Variants in XKR4 observed in about 807,000 individuals in gnomAD.
The protein encoded by XKR4 is XK-related protein 4.
A neutral mutation model predicts 53.9 loss-of-function variants in XKR4; 12 were observed. That is an observed-to-expected ratio of 0.22 (90% CI 0.14 to 0.36). The LOEUF (loss-of-function observed/expected upper bound fraction) is 0.36, where lower values mean the gene tolerates loss of function less well. XKR4 is among the 10% of genes least tolerant of loss of function. The pLI is 1.00. For synonymous variants in XKR4, 354 were observed against 362.4 expected, an observed-to-expected ratio of 0.98 and a Z score of 0.26; for missense variants, 799 against 859.5, an observed-to-expected ratio of 0.93 and a Z score of 0.88.
chr8:55,499,225 T>A (rs1024203835), intron 2 of XKR4, among the ~76,000 whole-genome samples: 2 of 152,186 alleles, frequency 1.3e-5, no homozygotes, highest in African/African-American at 4.8e-5. Flanking sequence ...GCTAAGATAA[T>A]GTATGGGGAA....
chr8:55,211,025 T>C (rs909349357), intron 1 of XKR4, among the ~76,000 whole-genome samples: 1 of 152,180 alleles, frequency 6.6e-6, no homozygotes, highest in African/African-American at 2.4e-5. Flanking sequence ...TATGCAGCTG[T>C]GGGGATATCT....
chr8:55,240,315 T>C (rs983342951), intron 1 of XKR4, among the ~76,000 whole-genome samples: 1 of 152,116 alleles, frequency 6.6e-6, no homozygotes, highest in African/African-American at 2.4e-5. Context: ...ATATTAGACA[T>C]CAAAGCTAAC....
chr8:55,111,775 C>G (rs571449255), intron 1 of XKR4, among the ~76,000 whole-genome samples: 1 of 152,062 alleles, frequency 6.6e-6, no homozygotes, highest in Non-Finnish European at 1.5e-5. Context: ...ATAAGAACAA[C>G]GCTTCACAGG....
In XKR4 at chr8:55,396,399, G is replaced by GTTTTTTTTTTTTTTT. The variant is rs71256534; in HGVS notation, c.1006+38527_1006+38541dup. 9.0e-4 allele frequency among the ~76,000 whole-genome samples: 80 copies of GTTTTTTTTTTTTTTT among 88,740 alleles called. 8 individuals are homozygous for GTTTTTTTTTTTTTTT. In the East Asian group the frequency reaches 0.012, roughly 13 times the overall value. The allele number at this position is 88,740 out of a possible 152,430, so 58.2% of individuals were successfully genotyped here. On this transcript the variant is annotated intron_variant, in intron 2 of 2. Transcript: ENST00000327381. Reference sequence around the variant, plus strand: ...TTTTTTTGTGTTTTTTTTTTGTTTGGTTTTTTTTTTTTTTTTTTTGCAGAG... The same window carrying GTTTTTTTTTTTTTTT: ...TTTTTTTGTGTTTTTTTTTTGTTTGGTTTTTTTTTTTTTTTTTTTTTTTTTTTTTTTTTTGCAGAG...
At chr8:55,270,032 C>T (rs1293290618) in intron 1 of XKR4, among the ~76,000 whole-genome samples, 1 of 152,128 alleles carries the variant, frequency 6.6e-6, no homozygotes, top group African/African-American at 2.4e-5. Context: ...TGTCATTTAA[C>T]AGTAGGCCAA....
At chr8:55,397,325 G>C (rs1206855881) in intron 2 of XKR4, among the ~76,000 whole-genome samples, 1 of 152,132 alleles carries the variant, frequency 6.6e-6, no homozygotes, top group Non-Finnish European at 1.5e-5. Flanking sequence ...AATCTCAGTG[G>C]AAAAGTTTTC....
At chr8:55,475,759 C>A (rs974639437) in intron 2 of XKR4, among the ~76,000 whole-genome samples, 1 of 151,900 alleles carries the variant, frequency 6.6e-6, no homozygotes, top group East Asian at 1.9e-4. Flanking sequence ...CACACCACCA[C>A]GCCCAGCTAA....
At chr8:55,233,172 C>T (rs1413654017) in intron 1 of XKR4, among the ~76,000 whole-genome samples, 4 of 152,186 alleles carry the variant, frequency 2.6e-5, no homozygotes, top group African/African-American at 7.2e-5. Context: ...AGCTGCCTCA[C>T]AGAAATCCAG....
Position 55,536,864 on chromosome 8 carries a change from A to C in XKR4, c.*12637A>C, listed in dbSNP as rs1470100091. 1.3e-5 allele frequency: 2 copies of C among 152,198 alleles called. No individual in the cohort carries two copies. Among genetic ancestry groups the C allele is most frequent in the African/African-American group, 4.8e-5 (2 of 41,446 alleles). The allele number at this position is 152,198 out of a possible 1,614,324, so 9.4% of individuals were successfully genotyped here. A position where few individuals can be genotyped will look rare whatever the true frequency, so the allele number is the denominator to read the frequency against. ...CTATTCAGTCTTTGCTATCTTTCAT[A>C]AATTGTATCATTGCTCTTCTGCTGT... On this transcript the variant is annotated 3_prime_UTR_variant, in exon 3 of 3. Coordinates refer to ENST00000327381, the MANE Select transcript of XKR4 (RefSeq NM_052898.2).
intron 2 of XKR4, among the ~76,000 whole-genome samples, chr8:55,484,899 T>C (rs1806169924): frequency 6.6e-6 from 1 of 152,268 alleles, no homozygotes; most frequent in Non-Finnish European, 1.5e-5. Flanking sequence ...TCTCTGGCTT[T>C]CAGTCCCAGA....
chr8:55,170,188 C>T (rs560539862), intron 1 of XKR4, among the ~76,000 whole-genome samples: 7 of 152,228 alleles, frequency 4.6e-5, no homozygotes, highest in Non-Finnish European at 7.4e-5. Flanking sequence ...GGCAGAATAA[C>T]GGGCCCCCCA....
chr8:55,456,358 C>T (rs2939641), intron 2 of XKR4, among the ~76,000 whole-genome samples: 12 of 151,880 alleles, frequency 7.9e-5, no homozygotes, highest in South Asian at 6.2e-4. Context: ...TTGAACCCAG[C>T]GGGCAGAGGT....
intron 1 of XKR4, among the ~76,000 whole-genome samples, chr8:55,269,437 G>T (rs555755773): frequency 2.0e-5 from 3 of 152,192 alleles, no homozygotes; most frequent in Non-Finnish European, 4.4e-5. Flanking sequence ...ATCTGAAATT[G>T]TTAATATGGT....
intron 1 of XKR4, among the ~76,000 whole-genome samples, chr8:55,127,795 T>C (rs1456616352): frequency 6.8e-6 from 1 of 146,348 alleles, no homozygotes; most frequent in Admixed American, 6.9e-5. Context: ...GTGTTCTCAT[T>C]GTTCAGTTCC....
chr8:55,235,452 G>T (rs1228250720), intron 1 of XKR4, among the ~76,000 whole-genome samples: 1 of 152,158 alleles, frequency 6.6e-6, no homozygotes, highest in Non-Finnish European at 1.5e-5. Context: ...TTGAAATGTA[G>T]CACTTAATGA....
chr8:55,134,738 T>C (rs1469973951), intron 1 of XKR4, among the ~76,000 whole-genome samples: 2 of 152,246 alleles, frequency 1.3e-5, no homozygotes, highest in Non-Finnish European at 2.9e-5. Flanking sequence ...CTTGGTGGGC[T>C]CTTGCACCAA....
intron 1 of XKR4, among the ~76,000 whole-genome samples, chr8:55,132,366 G>A (rs1245389419): frequency 2.0e-5 from 3 of 152,202 alleles, no homozygotes; most frequent in African/African-American, 7.2e-5. Context: ...CCTTGAAAGT[G>A]TGGATAGTAC....
chr8:55,192,292 C>G (rs561825841), intron 1 of XKR4, among the ~76,000 whole-genome samples: 142 of 149,926 alleles, frequency 9.5e-4, no homozygotes, highest in African/African-American at 3.3e-3. Flanking sequence ...TCAGAAGTGA[C>G]TTGGAGCATA....
intron 2 of XKR4, chr8:55,454,773 C>A: frequency 1.3e-6 from 1 of 779,198 alleles, no homozygotes. Context: ...GTACCAGCGT[C>A]TTTGGGGCAA....
Sources: gnomAD v4.1 joint callset for allele counts (sites outside exome capture counted in the v4.1 genomes callset) on GRCh38, gnomAD v4.1.1 for gene constraint, MANE v1.5 for transcripts, NCBI Gene and HGNC (gene_info 2026-07-23, HGNC 2026-07-21) for gene names.